The following MRO variants were observed in gnomAD, a reference collection of about 807,000 sequenced individuals.
MRO encodes the protein maestro.
Under a neutral mutation model 31.0 loss-of-function variants are expected in MRO, and 28 were observed. The ratio of observed to expected loss-of-function variants is 0.90; its 90% CI spans 0.67 to 1.24. MRO has a LOEUF of 1.24. Ranked by LOEUF, MRO falls within the 50% of genes most tolerant of loss-of-function variation. The probability of loss-of-function intolerance (pLI) is 0.00; values close to 1 mark genes in which losing one functional copy is unlikely to be tolerated. For synonymous variants in MRO, 108 were observed against 108.4 expected, an observed-to-expected ratio of 1.00 and a Z score of 0.02; for missense variants, 332 against 289.2, an observed-to-expected ratio of 1.15 and a Z score of -1.07.
chr18:50,819,748 AGGATAACG>A (rs1447215597), intron 1 of MRO, 46 bp from the exon 2 acceptor site: 2 of 1,548,538 alleles, frequency 1.3e-6, no homozygotes, highest in Middle Eastern at 1.7e-4. Flanking sequence ...GGGTCTGTCC[AGGATAACG>A]GGTCGGCACA....
chr18:50,819,806 A>G, intron 1 of MRO, 91 bp downstream of exon 1: 1 of 1,542,054 alleles, frequency 6.5e-7, no homozygotes, highest in South Asian at 1.2e-5. Context: ...GGGGAAAGTC[A>G]AAGTTTATAG....
At chr18:50,805,012 G>T (rs947472449) in intron 5 of MRO, 142 bp downstream of exon 5, 1 of 611,694 alleles carries the variant, frequency 1.6e-6, no homozygotes, top group Admixed American at 3.0e-5. Context: ...GGATGGTCTC[G>T]ATCTCCTGAC....
At chr18:50,812,028 A>C (rs867150639) in intron 2 of MRO, among the ~76,000 whole-genome samples, 46 of 152,132 alleles carry the variant, frequency 3.0e-4, no homozygotes, top group African/African-American at 4.1e-4. Flanking sequence ...GGCGTTAGCC[A>C]CCTAGCCTGG....
At position 50,799,389 on chromosome 18, in the gene MRO, C is replaced by T. The variant is rs780590430; in HGVS notation, c.695G>A (p.Ser232Asn). ...CTGCAGGATCTCTGGATGATAGTGG[C>T]TCTGAAAGAAATTAGCAAAGGTACG... ...QRNTKLYQQL[S>N]HYHPEILQFF... is the part of the protein sequence containing the mutation. The change falls in exon 8 of 8, where the codon AGC becomes AAC. Residue 232 changes from serine (S) to asparagine (N), a missense_variant and splice_region_variant. By Grantham distance (46) the Ser-to-Asn change is conservative. Coordinates refer to ENST00000398439, the MANE Select transcript of MRO (RefSeq NM_031939.6). 15 of 1,613,844 alleles carry T rather than the reference C, an allele frequency of 9.3e-6. No homozygotes were observed. The South Asian group carries it at 1.6e-4, about 18-fold the overall frequency.
intron 2 of MRO, chr18:50,815,659 G>A (rs1599038601): frequency 5.5e-6 from 2 of 365,620 alleles, no homozygotes; most frequent in East Asian, 1.5e-4. Context: ...TTTGGTGGAA[G>A]AAGTTCAGGC....
At chr18:50,823,930 T>A (rs1915403096), upstream of MRO, 1 of 164,810 alleles carries the variant, frequency 6.1e-6, no homozygotes, top group African/African-American at 2.4e-5. Context: ...CACATTCAGT[T>A]GAGCAAAGCC....
intron 2 of MRO, among the ~76,000 whole-genome samples, chr18:50,818,381 C>A (rs749980450): frequency 2.0e-5 from 3 of 152,136 alleles, no homozygotes; most frequent in Non-Finnish European, 4.4e-5. Context: ...CGTTCTTCAA[C>A]GAATTCTTCT....
chr18:50,807,757 T>C (rs763512210), intron 3 of MRO, among the ~76,000 whole-genome samples: 2 of 152,150 alleles, frequency 1.3e-5, no homozygotes, highest in Non-Finnish European at 2.9e-5. Context: ...ATAATGCAAA[T>C]TGGGGAACAC....
In MRO at chr18:50,817,461, C is replaced by G. The variant is rs1915024339; in HGVS notation, c.-5+2120G>C. 2.0e-5 allele frequency among the ~76,000 whole-genome samples: 3 copies of G among 150,398 alleles called. No individual in the cohort carries two copies. In the South Asian group the frequency reaches 6.3e-4, roughly 32 times the overall value. On this transcript the variant is annotated intron_variant, in intron 2 of 7. Coordinates refer to ENST00000398439, the MANE Select transcript of MRO (RefSeq NM_031939.6). The stretch of plus-strand genomic sequence containing the variant: ...TAAGCCATGATTGCGCCACTGCACT[C>G]CAGCTGGGTTGACAGAGCAAGATCC...
intron 2 of MRO, among the ~76,000 whole-genome samples, chr18:50,813,876 A>G (rs1032423153): frequency 1.3e-5 from 2 of 152,128 alleles, no homozygotes; most frequent in African/African-American, 4.8e-5. Context: ...TGGAAAAACT[A>G]CCTGTTGGGT....
At chr18:50,814,475 A>T (rs982732227) in intron 2 of MRO, 3 of 174,592 alleles carry the variant, frequency 1.7e-5, no homozygotes, top group African/African-American at 7.2e-5. Context: ...CGTTTAAGAG[A>T]CCATTTTGAG....
chr18:50,825,106 G>T (rs1915469689), intron 1 of MRO, among the ~76,000 whole-genome samples: 1 of 150,904 alleles, frequency 6.6e-6, no homozygotes, highest in Non-Finnish European at 1.5e-5. Flanking sequence ...AAAAAAGTAA[G>T]TTCAAGTTTA....
At position 50,800,107 on chromosome 18, in the gene MRO, G is replaced by A; in HGVS notation, c.622C>T (p.Leu208=). ...KTTFQACSPY[L]KLKEEYSFQS... ...AAGCTGTATTCCTCCTTTAGTTTCA[G>A]ATATGGAGAACAGGCTTGAAATGTT... Residue 208 remains leucine, a synonymous_variant, in exon 7 of 8, where the codon CTG becomes TTG. Coordinates refer to ENST00000398439, the MANE Select transcript of MRO (RefSeq NM_031939.6). 6.2e-7 allele frequency: 1 copy of A among 1,613,592 alleles called. No homozygotes were observed. The highest frequency in any genetic ancestry group is 8.5e-7 in the Non-Finnish European group (1 of 1,179,622).
chr18:50,819,794 G>C, intron 1 of MRO, 92 bp from the exon 2 acceptor site: 1 of 1,543,062 alleles, frequency 6.5e-7, no homozygotes, highest in Middle Eastern at 1.7e-4. Flanking sequence ...AATCAAATAA[G>C]AGGGGAAAGT....
chr18:50,809,991 G>C (rs1250767555), intron 2 of MRO, among the ~76,000 whole-genome samples: 2 of 152,102 alleles, frequency 1.3e-5, no homozygotes, highest in South Asian at 2.1e-4. Context: ...TTTGAGACAG[G>C]GTTTTGCTCT....
intron 2 of MRO, among the ~76,000 whole-genome samples, chr18:50,812,424 C>T (rs1411244349): frequency 1.3e-5 from 2 of 152,260 alleles, no homozygotes; most frequent in East Asian, 1.9e-4. Context: ...TATTACCAGA[C>T]GTATGATTTA....
chr18:50,820,603 T>C (rs1202387699), upstream of MRO, among the ~76,000 whole-genome samples: 1 of 152,230 alleles, frequency 6.6e-6, no homozygotes, highest in Non-Finnish European at 1.5e-5. Flanking sequence ...GTGTGCCAAA[T>C]GTTGTGATAA....
Position 50,801,446 on chromosome 18 carries a change from G to C in MRO, c.488C>G (p.Ala163Gly). The change falls in exon 6 of 8, where the codon GCC (alanine) becomes GGC (glycine). Residue 163 changes from alanine to glycine, a missense_variant. Ala to Gly is a moderately conservative substitution (Grantham distance 60). Transcript: ENST00000398439. ...GAAAAATTTTTTCCATTTCCTCCCG[G>C]CAAAGGCAGCCAATTGCCCAAACAA... ...FVLFGQLAAFAGRKWKKFFTS... is the reference protein window; with the variant it reads ...FVLFGQLAAFGGRKWKKFFTS... 5 of 1,612,528 alleles carry C rather than the reference G, an allele frequency of 3.1e-6. No homozygotes were observed. Among genetic ancestry groups the C allele is most frequent in the Non-Finnish European group, 4.2e-6 (5 of 1,179,070 alleles).
chr18:50,819,039 C>T (rs946675585), intron 2 of MRO, among the ~76,000 whole-genome samples: 6 of 151,094 alleles, frequency 4.0e-5, no homozygotes, highest in African/African-American at 1.5e-4. Flanking sequence ...GGCAACACAA[C>T]AAGACCCTGT....
Sources: gnomAD v4.1 joint callset for allele counts (sites outside exome capture counted in the v4.1 genomes callset) on GRCh38, gnomAD v4.1.1 for gene constraint, MANE v1.5 for transcripts, NCBI Gene and HGNC (gene_info 2026-07-23, HGNC 2026-07-21) for gene names.